MAF: variants seen among roughly 807,000 people sequenced by gnomAD.
MAF encodes MAF bZIP transcription factor.
MAF carries 10 observed loss-of-function variants against 22.0 expected under a neutral mutation model. The ratio of observed to expected loss-of-function variants is 0.45; its 90% CI spans 0.28 to 0.77. The LOEUF (loss-of-function observed/expected upper bound fraction) is 0.77, where lower values mean the gene tolerates loss of function less well. MAF is among the 30% of genes least tolerant of loss of function. The pLI is 0.12. For synonymous variants in MAF, 337 were observed against 255.8 expected, an observed-to-expected ratio of 1.32 and a Z score of -3.03; for missense variants, 544 against 548.4, an observed-to-expected ratio of 0.99 and a Z score of 0.08.
chr16:79,478,593 C>T, the MAF span, among the ~76,000 whole-genome samples: 1 of 152,156 alleles, frequency 6.6e-6, no homozygotes, highest in Non-Finnish European at 1.5e-5. Context: ...GAGAACCACC[C>T]CTGTATACCA....
At chr16:79,492,216 G>C in the MAF span, among the ~76,000 whole-genome samples, 3 of 152,290 alleles carry the variant, frequency 2.0e-5, no homozygotes, top group Non-Finnish European at 2.9e-5. Flanking sequence ...CATGAAGAAT[G>C]CAGGCAGGGA....
At chr16:79,561,394 C>T in the MAF span, among the ~76,000 whole-genome samples, 1 of 151,518 alleles carries the variant, frequency 6.6e-6, no homozygotes, top group Admixed American at 6.6e-5. Context: ...TATACATGTG[C>T]CATGTTGGTG....
At chr16:79,272,203 C>G in the MAF span, among the ~76,000 whole-genome samples, 6 of 152,300 alleles carry the variant, frequency 3.9e-5, no homozygotes, top group African/African-American at 1.4e-4. Flanking sequence ...TGAACGCGCT[C>G]AGAGACAGAG....
At chr16:79,238,404 T>C in the MAF span, among the ~76,000 whole-genome samples, 1 of 152,110 alleles carries the variant, frequency 6.6e-6, no homozygotes, top group African/African-American at 2.4e-5. Flanking sequence ...CATACGTCTT[T>C]TTTACTTATT....
the MAF span, among the ~76,000 whole-genome samples, chr16:79,267,831 C>G: frequency 1.3e-5 from 2 of 152,118 alleles, no homozygotes; most frequent in East Asian, 3.9e-4. Context: ...AGGGAGCTTC[C>G]TAAGTGACAG....
At chr16:79,514,956 T>A in the MAF span, among the ~76,000 whole-genome samples, 1 of 152,200 alleles carries the variant, frequency 6.6e-6, no homozygotes, top group African/African-American at 2.4e-5. Flanking sequence ...TGACTTGATG[T>A]CTCCTTCATT....
chr16:79,303,175 T>C, the MAF span, among the ~76,000 whole-genome samples: 5 of 152,238 alleles, frequency 3.3e-5, no homozygotes, highest in Non-Finnish European at 7.3e-5. Context: ...GCTGATGTTC[T>C]AGACATCTTA....
chr16:79,547,861 T>C, the MAF span, among the ~76,000 whole-genome samples: 2 of 151,848 alleles, frequency 1.3e-5, no homozygotes, highest in Non-Finnish European at 2.9e-5. Flanking sequence ...CTGCAAACTA[T>C]CTCCTTGTGT....
the MAF span, among the ~76,000 whole-genome samples, chr16:79,246,730 G>T: frequency 6.6e-6 from 1 of 152,064 alleles, no homozygotes; most frequent in Admixed American, 6.5e-5. Context: ...ATCTGTGGTG[G>T]GTGGAATTGA....
the MAF span, among the ~76,000 whole-genome samples, chr16:79,313,251 T>G: frequency 6.6e-6 from 1 of 152,140 alleles, no homozygotes; most frequent in Non-Finnish European, 1.5e-5. Context: ...GGCAACATTT[T>G]CACTTAACAA....
At chr16:79,530,229 C>T in the MAF span, among the ~76,000 whole-genome samples, 1 of 152,128 alleles carries the variant, frequency 6.6e-6, no homozygotes, top group Admixed American at 6.6e-5. Flanking sequence ...CCTGAAGATT[C>T]CCATTTCTTA....
the MAF span, among the ~76,000 whole-genome samples, chr16:79,215,488 G>A: frequency 6.6e-6 from 1 of 152,162 alleles, no homozygotes; most frequent in South Asian, 2.1e-4. Flanking sequence ...CGTATCATCA[G>A]CCAAGGTGCT....
chr16:79,404,594 C>T, the MAF span, among the ~76,000 whole-genome samples: 2 of 152,042 alleles, frequency 1.3e-5, no homozygotes, highest in African/African-American at 2.4e-5. Flanking sequence ...CAATGAATGA[C>T]ACACATTGAA....
At chr16:79,563,907 T>TCAGG in the MAF span, among the ~76,000 whole-genome samples, 1 of 152,250 alleles carries the variant, frequency 6.6e-6, no homozygotes, top group Non-Finnish European at 1.5e-5. Flanking sequence ...TCCAAACTCC[T>TCAGG]CAGGACAGGA....
the MAF span, among the ~76,000 whole-genome samples, chr16:79,213,698 T>A: frequency 8.5e-5 from 13 of 152,184 alleles, no homozygotes; most frequent in Non-Finnish European, 1.5e-4. Flanking sequence ...AGTTAGTTAG[T>A]TAGACATGTA....
At chr16:79,553,663 G>C in the MAF span, among the ~76,000 whole-genome samples, 2 of 152,346 alleles carry the variant, frequency 1.3e-5, no homozygotes, top group South Asian at 2.1e-4. Flanking sequence ...CCAGGGGAAG[G>C]CTGGAAGTTC....
Position 79,599,104 on chromosome 16 carries a change from C to CA in MAF, c.798_799insT (p.Val267CysfsTer109). Reference sequence around the variant, plus strand: ...TTCAGCTCGCGCACAGACATGGTCACCAGCTGCTCGTCGGAGAAGCGGTCG... The same window carrying CA: ...TTCAGCTCGCGCACAGACATGGTCACACAGCTGCTCGTCGGAGAAGCGGTCG... On this transcript the variant is annotated frameshift_variant, in exon 1 of 2. Coordinates refer to ENST00000326043, the MANE Select transcript of MAF (RefSeq NM_005360.5). LOFTEE classifies it high-confidence loss of function. 1.9e-6 allele frequency: 3 copies of CA among 1,604,322 alleles called. No individual in the cohort carries two copies. The highest frequency in any genetic ancestry group is 1.7e-5 in the Admixed American group (1 of 59,812).
chr16:79,402,649 C>A, the MAF span, among the ~76,000 whole-genome samples: 71,244 of 152,134 alleles, frequency 0.47, 17,532 homozygotes, highest in East Asian at 0.73. Flanking sequence ...TTGGAGGTGC[C>A]AGGGGTGCGG....
the MAF span, among the ~76,000 whole-genome samples, chr16:79,240,564 C>T: frequency 8.0e-6 from 1 of 125,220 alleles, no homozygotes; most frequent in Non-Finnish European, 1.7e-5. Context: ...TGATAAAAAA[C>T]CCCCATCTCC....
Sources: gnomAD v4.1 joint callset for allele counts (sites outside exome capture counted in the v4.1 genomes callset) on GRCh38, gnomAD v4.1.1 for gene constraint, MANE v1.5 for transcripts, NCBI Gene and HGNC (gene_info 2026-07-23, HGNC 2026-07-21) for gene names.